KRT32: variants seen among roughly 807,000 people sequenced by gnomAD.
The protein encoded by KRT32 is keratin, type I cuticular Ha2.
KRT32 carries 44 observed loss-of-function variants against 41.8 expected under a neutral mutation model. The ratio of observed to expected loss-of-function variants is 1.05; its 90% CI spans 0.83 to 1.35. The LOEUF (loss-of-function observed/expected upper bound fraction) is 1.35, where lower values mean the gene tolerates loss of function less well. Among genes scored for constraint, KRT32 ranks in the 40% most tolerant of loss-of-function variants. The pLI is 0.00. For synonymous variants in KRT32, 238 were observed against 242.5 expected, an observed-to-expected ratio of 0.98 and a Z score of 0.17; for missense variants, 576 against 584.6, an observed-to-expected ratio of 0.99 and a Z score of 0.15.
chr17:41,465,119 G>A (rs1409146919), intron 3 of KRT32, among the ~76,000 whole-genome samples: 1 of 152,204 alleles, frequency 6.6e-6, no homozygotes, highest in African/African-American at 2.4e-5. Flanking sequence ...GGTGGGCTTG[G>A]CAGCACACAG....
rs143205053 is a variant in KRT32, at chr17:41,463,138, T to C, written c.997-88A>G. The C allele has an allele frequency of 1.2e-3, 1,446 of 1,245,146 alleles. 17 individuals carry two copies. The African/African-American group carries it at 0.02, about 17-fold the overall frequency. 77.1% of individuals were successfully genotyped at this position (1,245,146 alleles called of 1,614,324 possible). On this transcript the variant is annotated intron_variant, in intron 5 of 6. Coordinates refer to ENST00000225899, the MANE Select transcript of KRT32 (RefSeq NM_002278.3). ...GAACCAAGAAGAGCCAAATCTCCCT[T>C]TGATGCTGGAAATGAGCCCTCCCTA... is the stretch of plus-strand genomic sequence containing the variant.
chr17:41,462,573 G>T (rs1486184876), intron 6 of KRT32, among the ~76,000 whole-genome samples: 1 of 152,200 alleles, frequency 6.6e-6, no homozygotes, highest in Admixed American at 6.5e-5. Flanking sequence ...GTCCTCCATA[G>T]CACCTGCCCC....
chr17:41,466,745 G>C, intron 1 of KRT32, 113 bp downstream of exon 1: 1 of 730,748 alleles, frequency 1.4e-6, no homozygotes, highest in Admixed American at 2.8e-5. Context: ...TATGCCCTAG[G>C]GAAGTCTCTT....
intron 6 of KRT32, 66 bp from the exon 7 acceptor site, chr17:41,460,305 A>G: frequency 6.5e-7 from 1 of 1,535,092 alleles, no homozygotes; most frequent in Non-Finnish European, 8.8e-7. Flanking sequence ...AGGTCCTGCC[A>G]ATTCTCCCCT....
intron 1 of KRT32, 26 bp from the exon 2 acceptor site, chr17:41,466,202 G>A (rs1459708594): frequency 4.4e-6 from 7 of 1,597,836 alleles, no homozygotes; most frequent in Non-Finnish European, 6.0e-6. Flanking sequence ...CATGGAGAGG[G>A]TTAGTTCAGG....
chr17:41,467,244 C>A lies in KRT32; in HGVS notation c.82G>T (p.Gly28Cys). ...CPRPASVCSSGVNCRPELCLG... is the reference protein window; with the variant it reads ...CPRPASVCSSCVNCRPELCLG... ...CACAGCTCAGGCCGGCAGTTCACGC[C>A]GCTGGAACAGACCGAGGCAGGCCGG... The change falls in exon 1 of 7, where the codon GGC becomes TGC. Residue 28 changes from glycine to cysteine, a missense_variant. Transcript: ENST00000225899. The A allele has an allele frequency of 6.2e-7, 1 of 1,613,768 alleles. No homozygotes were observed.
rs760874576 is a variant in KRT32, at chr17:41,465,938, G to A, written c.552-9C>T. On this transcript the variant is annotated splice_polypyrimidine_tract_variant and intron_variant, in intron 2 of 6. Transcript: ENST00000225899. ...CCAGCTCTGCCTCGTACCTGCACAA[G>A]GACAGGGTCAGCAACCAAGGGTGAA... 4.3e-6 allele frequency: 7 copies of A among 1,610,786 alleles called. No individual in the cohort carries two copies. Among genetic ancestry groups the A allele is most frequent in the Middle Eastern group, 1.7e-4 (1 of 6,058 alleles).
intron 3 of KRT32, among the ~76,000 whole-genome samples, chr17:41,464,854 G>A (rs2144451379): frequency 6.6e-6 from 1 of 152,332 alleles, no homozygotes; most frequent in East Asian, 1.9e-4. Context: ...CTGCCAAAGA[G>A]GGAAAGTTGT....
chr17:41,460,070 C>T lies in KRT32; in HGVS notation c.*40G>A, dbSNP rs187936624. ...GGTGGCCACTGAATACCAGGCTGCC[C>T]AGCCCCAGGCCCTCCAGGATCCACT... On this transcript the variant is annotated 3_prime_UTR_variant, in exon 7 of 7. Transcript: ENST00000225899. 2.8e-4 allele frequency: 440 copies of T among 1,553,874 alleles called. 1 individual carries two copies. In the African/African-American group the frequency reaches 4.4e-3, roughly 16 times the overall value.
At chr17:41,466,596 T>C (rs1413019454) in intron 1 of KRT32, among the ~76,000 whole-genome samples, 1 of 152,180 alleles carries the variant, frequency 6.6e-6, no homozygotes, top group Non-Finnish European at 1.5e-5. Context: ...ATCCCTGTTT[T>C]ACAGATGAGA....
At chr17:41,465,987 GCCTTA>G (rs1445771295) in intron 2 of KRT32, 58 bp from the exon 3 acceptor site, 2 of 1,601,038 alleles carry the variant, frequency 1.2e-6, no homozygotes, top group Non-Finnish European at 1.7e-6. Flanking sequence ...CTCAGGGAAG[GCCTTA>G]AACTGCCGGC....
Position 41,467,280 on chromosome 17 carries a change from T to C in KRT32, c.46A>G (p.Lys16Glu). Reference sequence around the variant, plus strand: ...ACCGAGGCAGGCCGGGGGCAGCTCTTGAGAGAGGCTTGCAAGTTGTTGGTG... The same window carrying C: ...ACCGAGGCAGGCCGGGGGCAGCTCTCGAGAGAGGCTTGCAAGTTGTTGGTG... The part of the protein sequence containing the change: ...CVTNNLQASL[K>E]SCPRPASVCS... The change falls in exon 1 of 7, where the codon AAG (lysine) becomes GAG (glutamate). Residue 16 changes from lysine to glutamate, a missense_variant. Transcript: ENST00000225899. The C allele has an allele frequency of 6.2e-7, 1 of 1,613,042 alleles. No homozygotes were observed. The highest frequency in any genetic ancestry group is 8.5e-7 in the Non-Finnish European group (1 of 1,179,736).
chr17:41,459,986 G>A lies in KRT32; in HGVS notation c.*124C>T. The stretch of plus-strand genomic sequence containing the variant: ...CCCTGGAGTATCAGAGCTTGTTGCA[G>A]GTGATCCACGGTCCTGCTCAGGGTC... On this transcript the variant is annotated 3_prime_UTR_variant, in exon 7 of 7. Coordinates refer to ENST00000225899, the MANE Select transcript of KRT32 (RefSeq NM_002278.3). The A allele has an allele frequency of 9.9e-7, 1 of 1,014,940 alleles. No homozygotes were observed. Among genetic ancestry groups the A allele is most frequent in the Non-Finnish European group, 1.4e-6 (1 of 709,572 alleles). 62.9% of individuals were successfully genotyped at this position (1,014,940 alleles called of 1,614,324 possible). A position where few individuals can be genotyped will look rare whatever the true frequency, so the allele number is the denominator to read the frequency against.
chr17:41,465,686 A>G, intron 3 of KRT32, 87 bp downstream of exon 3: 1 of 1,382,522 alleles, frequency 7.2e-7, no homozygotes, highest in Non-Finnish European at 9.9e-7. Flanking sequence ...AGGCTTGGGA[A>G]TTTCAACCCA....
At chr17:41,462,767 G>A in intron 6 of KRT32, 63 bp downstream of exon 6, 1 of 1,563,530 alleles carries the variant, frequency 6.4e-7, no homozygotes, top group African/African-American at 1.3e-5. Context: ...AGATCCAGTT[G>A]CTTCCTATAA....
Position 41,463,009 on chromosome 17 carries a change from G to A in KRT32, c.1038C>T (p.Arg346=). 2 of 1,614,116 alleles carry A rather than the reference G, an allele frequency of 1.2e-6. No homozygotes were observed. The highest frequency in any genetic ancestry group is 1.7e-6 in the Non-Finnish European group (2 of 1,179,980). The stretch of plus-strand genomic sequence containing the variant: ...GCATCTGGGCCAGCTGGGAGCTGTA[G>A]CGGGCCTCACTCTCCGTCAGCGTGT... ...LENTLTESEA[R]YSSQLAQMQC... The change falls in exon 6 of 7, where the codon CGC becomes CGT. Residue 346 remains arginine (R), a synonymous_variant. Transcript: ENST00000225899.
rs771021253 is a variant in KRT32, at chr17:41,465,749, C to A, written c.708+24G>T. 55 of 1,600,508 alleles carry A rather than the reference C, an allele frequency of 3.4e-5. No homozygotes were observed. In the Admixed American group the frequency reaches 7.6e-4, roughly 22 times the overall value. On this transcript the variant is annotated intron_variant, in intron 3 of 6. Coordinates refer to ENST00000225899, the MANE Select transcript of KRT32 (RefSeq NM_002278.3). ...CCTCCCCCTCTGCTTCCCGGGGCCA[C>A]TTCAGCGGGACTTCCAGCCTCACCT...
intron 6 of KRT32, 143 bp downstream of exon 6, chr17:41,462,687 T>C: frequency 1.1e-6 from 1 of 907,146 alleles, no homozygotes; most frequent in Non-Finnish European, 1.7e-6. Context: ...CTGACTTCCT[T>C]CAGAGCATAC....
In KRT32 at chr17:41,462,862, C is replaced by T. The variant is rs138037859; in HGVS notation, c.1185G>A (p.Thr395=). 1.2e-6 allele frequency: 2 copies of T among 1,613,646 alleles called. No individual in the cohort carries two copies. Among genetic ancestry groups the T allele is most frequent in the Non-Finnish European group, 1.7e-6 (2 of 1,179,932 alleles). Residue 395 remains threonine (T), a synonymous_variant, in exon 6 of 7, where the codon ACG becomes ACA. Transcript: ENST00000225899. ...VRARLEGEIN[T]YRSLLENEDC... ...CCTCGTTCTCCAGCAGGCTCCGGTACGTGTTGATCTCGCCCTCCAGCCGGG... is the reference window on the plus strand; with the variant it reads ...CCTCGTTCTCCAGCAGGCTCCGGTATGTGTTGATCTCGCCCTCCAGCCGGG...
Sources: allele counts gnomAD v4.1 joint callset (sites outside exome capture counted in the v4.1 genomes callset), GRCh38; gene constraint gnomAD v4.1.1; transcripts MANE v1.5; gene names NCBI Gene and HGNC (gene_info 2026-07-23, HGNC 2026-07-21).